Variants in KCNJ4 observed in about 807,000 individuals in gnomAD.
KCNJ4 encodes the protein potassium inwardly rectifying channel subfamily J member 4, also known as inward rectifier potassium channel 4.
KCNJ4 carries 3 observed loss-of-function variants against 25.6 expected under a neutral mutation model. The ratio of observed to expected loss-of-function variants is 0.12; its 90% CI spans 0.05 to 0.30. The LOEUF (loss-of-function observed/expected upper bound fraction) is 0.30, where lower values mean the gene tolerates loss of function less well. Ranked by LOEUF, KCNJ4 falls within the 10% of genes least tolerant of loss-of-function variation. The pLI, the probability that KCNJ4 is intolerant of heterozygous loss-of-function variation, is 1.00. For synonymous variants in KCNJ4, 257 were observed against 283.9 expected, an observed-to-expected ratio of 0.91 and a Z score of 0.95; for missense variants, 286 against 666.8, an observed-to-expected ratio of 0.43 and a Z score of 6.29.
In KCNJ4 at chr22:38,428,016, C is replaced by A. The variant is rs371561137; in HGVS notation, c.117G>T (p.Ser39=). ...TGAAGATGTCCGCCATGTAGCGCTG[C>A]GACTTGTTGCTCAGGTTGGCGAAGT... ...NVYFANLSNK[S]QRYMADIFTT... Residue 39 remains serine, a synonymous_variant, in exon 2 of 2, where the codon TCG becomes TCT. Transcript: ENST00000303592. 2.5e-6 allele frequency: 4 copies of A among 1,614,094 alleles called. No homozygotes were observed. In the African/African-American group the frequency reaches 4.0e-5, roughly 16 times the overall value.
intron 1 of KCNJ4, among the ~76,000 whole-genome samples, chr22:38,438,543 G>C (rs921112267): frequency 6.7e-6 from 1 of 149,558 alleles, no homozygotes; most frequent in Admixed American, 6.7e-5. Flanking sequence ...CAAAAAGTTA[G>C]CCGGGCGTGG....
chr22:38,438,687 G>GA (rs61202067), intron 1 of KCNJ4, among the ~76,000 whole-genome samples: 1,878 of 130,498 alleles, frequency 0.014, 31 homozygotes, highest in African/African-American at 0.043. Flanking sequence ...GAGTCCTTCT[G>GA]AAAAAAAAAA....
chr22:38,432,696 C>T (rs1031739466), intron 1 of KCNJ4, among the ~76,000 whole-genome samples: 6 of 152,056 alleles, frequency 3.9e-5, no homozygotes, highest in Non-Finnish European at 8.8e-5. Flanking sequence ...GGGCCGGGCG[C>T]GGTGGCTCAC....
At position 38,441,805 on chromosome 22, in the gene KCNJ4, G is replaced by C. The variant is rs566453390; in HGVS notation, c.-40+13175C>G. Among the ~76,000 whole-genome samples the C allele has an allele frequency of 5.3e-5, 8 of 152,318 alleles. No homozygotes were observed. In the South Asian group the frequency reaches 1.7e-3, roughly 32 times the overall value. ...GAGACTCACACGTGGGGAATGAGCA[G>C]CCTTGCCTTCAGCAGCACCGCCTGG... On this transcript the variant is annotated intron_variant, in intron 1 of 1. Coordinates refer to ENST00000303592, the MANE Select transcript of KCNJ4 (RefSeq NM_152868.3).
chr22:38,445,209 C>T (rs1280294856), intron 1 of KCNJ4, among the ~76,000 whole-genome samples: 2 of 151,990 alleles, frequency 1.3e-5, no homozygotes, highest in Non-Finnish European at 2.9e-5. Context: ...GATCTAGGCC[C>T]TGGGGAGAGG....
intron 1 of KCNJ4, among the ~76,000 whole-genome samples, chr22:38,440,883 G>A (rs901245197): frequency 1.3e-5 from 2 of 152,206 alleles, no homozygotes; most frequent in East Asian, 1.9e-4. Flanking sequence ...AGTGTGCAGT[G>A]GCTTTGAACA....
At chr22:38,431,355 A>G (rs563663638) in intron 1 of KCNJ4, among the ~76,000 whole-genome samples, 1 of 152,252 alleles carries the variant, frequency 6.6e-6, no homozygotes, top group South Asian at 2.1e-4. Flanking sequence ...CCTCCCCATT[A>G]TCGAGTGCCC....
intron 1 of KCNJ4, among the ~76,000 whole-genome samples, chr22:38,433,636 C>T (rs1236556853): frequency 1.3e-5 from 2 of 152,170 alleles, no homozygotes; most frequent in Non-Finnish European, 2.9e-5. Flanking sequence ...TTTTACTGTG[C>T]TGTAAACATC....
chr22:38,440,684 G>A (rs1054353474), intron 1 of KCNJ4, among the ~76,000 whole-genome samples: 6 of 152,210 alleles, frequency 3.9e-5, no homozygotes, highest in African/African-American at 9.7e-5. Flanking sequence ...TATTCGGCTG[G>A]GGAGAAGACC....
At chr22:38,451,827 C>T (rs2089412113) in intron 1 of KCNJ4, among the ~76,000 whole-genome samples, 1 of 152,214 alleles carries the variant, frequency 6.6e-6, no homozygotes, top group Non-Finnish European at 1.5e-5. Flanking sequence ...GATGGGTCTA[C>T]TTCCCCCTCA....
intron 1 of KCNJ4, among the ~76,000 whole-genome samples, chr22:38,451,898 T>G (rs540250996): frequency 6.6e-6 from 1 of 152,318 alleles, no homozygotes; most frequent in South Asian, 2.1e-4. Flanking sequence ...GCTCCAAACC[T>G]TCTGTCTGAA....
intron 1 of KCNJ4, among the ~76,000 whole-genome samples, chr22:38,431,454 C>T (rs529159629): frequency 6.6e-6 from 1 of 152,220 alleles, no homozygotes. Flanking sequence ...CACAGTGCAG[C>T]CCGATGGGGA....
chr22:38,429,526 A>C (rs1273413928), intron 1 of KCNJ4, among the ~76,000 whole-genome samples: 2 of 152,082 alleles, frequency 1.3e-5, no homozygotes, highest in Non-Finnish European at 2.9e-5. Flanking sequence ...TCCCTACCTC[A>C]TGGGACCTAC....
At chr22:38,431,216 G>A (rs2093048711) in intron 1 of KCNJ4, among the ~76,000 whole-genome samples, 1 of 152,180 alleles carries the variant, frequency 6.6e-6, no homozygotes, top group Non-Finnish European at 1.5e-5. Flanking sequence ...CTGACATGGC[G>A]AGTTCACCTG....
At chr22:38,430,990 G>A (rs1436568339) in intron 1 of KCNJ4, among the ~76,000 whole-genome samples, 1 of 152,240 alleles carries the variant, frequency 6.6e-6, no homozygotes, top group Non-Finnish European at 1.5e-5. Context: ...GCTGGAGTGG[G>A]TTTTGGGGCA....
chr22:38,436,831 C>T (rs1294162375), intron 1 of KCNJ4, among the ~76,000 whole-genome samples: 2 of 152,200 alleles, frequency 1.3e-5, no homozygotes, highest in East Asian at 3.9e-4. Context: ...CCCAAGGTCA[C>T]ACAGTTTGTA....
In KCNJ4 at chr22:38,443,835, C is replaced by T. The variant is rs1035210496; in HGVS notation, c.-40+11145G>A. On this transcript the variant is annotated intron_variant, in intron 1 of 1. Transcript: ENST00000303592. The surrounding 1 kb of genome is among the most constrained non-coding windows in gnomAD (Gnocchi z 4.1). Reference sequence around the variant, plus strand: ...TCCCGCAGTCCATCTCCACATCACTCCCTGCTCAGAGCTCTCGTCTCCCCA... The same window carrying T: ...TCCCGCAGTCCATCTCCACATCACTTCCTGCTCAGAGCTCTCGTCTCCCCA... Among the ~76,000 whole-genome samples, 1 of 152,176 alleles carries T rather than the reference C, an allele frequency of 6.6e-6. No individual in the cohort carries two copies. The highest frequency in any genetic ancestry group is 1.5e-5 in the Non-Finnish European group (1 of 68,026).
intron 1 of KCNJ4, among the ~76,000 whole-genome samples, chr22:38,435,085 G>T (rs2093061494): frequency 6.6e-6 from 1 of 152,236 alleles, no homozygotes; most frequent in Non-Finnish European, 1.5e-5. Context: ...ACATGCTCTG[G>T]TCAGAAGTTC....
chr22:38,450,286 A>T (rs147717668), intron 1 of KCNJ4, among the ~76,000 whole-genome samples: 1 of 151,978 alleles, frequency 6.6e-6, no homozygotes, highest in Non-Finnish European at 1.5e-5. Flanking sequence ...CATCGTTGGG[A>T]GGAGCGCTTT....
Sources: gnomAD v4.1 joint callset for allele counts (sites outside exome capture counted in the v4.1 genomes callset) on GRCh38, gnomAD v4.1.1 for gene constraint, Gnocchi (gnomAD v3.1) non-coding constraint, MANE v1.5 for transcripts, NCBI Gene and HGNC (gene_info 2026-07-23, HGNC 2026-07-21) for gene names.